NDUFAF6: variants seen among roughly 807,000 people sequenced by gnomAD.
The protein encoded by NDUFAF6 is NADH:ubiquinone oxidoreductase complex assembly factor 6.
Under a neutral mutation model 40.8 loss-of-function variants are expected in NDUFAF6, and 45 were observed. That is an observed-to-expected ratio of 1.10 (90% confidence interval 0.87 to 1.42). The LOEUF (loss-of-function observed/expected upper bound fraction) is 1.42. NDUFAF6 is among the 40% of genes most tolerant of loss of function. The pLI, the probability that NDUFAF6 is intolerant of heterozygous loss-of-function variation, is 0.00. For synonymous variants in NDUFAF6, 185 were observed against 155.9 expected, an observed-to-expected ratio of 1.19 and a Z score of -1.39; for missense variants, 435 against 418.5, an observed-to-expected ratio of 1.04 and a Z score of -0.34.
chr8:95,009,215 C>A (rs28616734), intron 2 of NDUFAF6, among the ~76,000 whole-genome samples: 3 of 149,434 alleles, frequency 2.0e-5, no homozygotes, highest in Non-Finnish European at 4.5e-5. Flanking sequence ...AAAAAAAAAA[C>A]GAAAAATAAA....
chr8:94,944,663 A>G (rs1821834826), intron 1 of NDUFAF6, among the ~76,000 whole-genome samples: 1 of 152,310 alleles, frequency 6.6e-6, no homozygotes, highest in Non-Finnish European at 1.5e-5. Context: ...TGGTGTTTAC[A>G]TGGCACATCT....
chr8:95,116,971 G>A (rs1168247624), downstream of NDUFAF6, among the ~76,000 whole-genome samples: 4 of 152,172 alleles, frequency 2.6e-5, no homozygotes, highest in Non-Finnish European at 5.9e-5. Context: ...CAAAGCAGAT[G>A]CCAACAGTCC....
intron 1 of NDUFAF6, among the ~76,000 whole-genome samples, chr8:95,027,862 A>G (rs1828358588): frequency 6.6e-6 from 1 of 152,168 alleles, no homozygotes; most frequent in Non-Finnish European, 1.5e-5. Context: ...AGCAGGAAAA[A>G]TAGCAGGCCA....
chr8:95,043,593 G>T (rs945334878), intron 4 of NDUFAF6, among the ~76,000 whole-genome samples: 1 of 152,046 alleles, frequency 6.6e-6, no homozygotes, highest in African/African-American at 2.4e-5. Context: ...CATTTCTCCA[G>T]ATAAGGTGTA....
At chr8:95,051,288 G>A (rs548007779) in intron 7 of NDUFAF6, among the ~76,000 whole-genome samples, 4 of 152,256 alleles carry the variant, frequency 2.6e-5, no homozygotes, top group African/African-American at 9.6e-5. Context: ...AATGTTCAGA[G>A]GAATAGAACT....
At chr8:95,074,215 AG>A (rs1437092848) in intron 9 of NDUFAF6, among the ~76,000 whole-genome samples, 1 of 151,810 alleles carries the variant, frequency 6.6e-6, no homozygotes, top group Non-Finnish European at 1.5e-5. Flanking sequence ...GGTTTTAAAA[AG>A]AAGGAGAAAA....
intron 2 of NDUFAF6, among the ~76,000 whole-genome samples, chr8:94,952,320 A>G (rs36081636): frequency 0.012 from 1,852 of 152,314 alleles, 24 homozygotes; most frequent in Middle Eastern, 0.02. Flanking sequence ...CTACCAACCC[A>G]TAGGATGGCT....
intron 2 of NDUFAF6, among the ~76,000 whole-genome samples, chr8:95,083,768 C>A (rs1484822348): frequency 3.3e-5 from 5 of 152,188 alleles, no homozygotes; most frequent in Non-Finnish European, 5.9e-5. Flanking sequence ...TTCTAAATAA[C>A]TGTAACAACC....
intron 9 of NDUFAF6, among the ~76,000 whole-genome samples, chr8:95,073,564 C>T (rs561928314): frequency 1.3e-5 from 2 of 152,302 alleles, no homozygotes; most frequent in South Asian, 2.1e-4. Context: ...TCCGCTTGCC[C>T]CTTAAACGTC....
At chr8:95,113,045 A>G (rs1215189711) in intron 4 of NDUFAF6, among the ~76,000 whole-genome samples, 2 of 152,140 alleles carry the variant, frequency 1.3e-5, no homozygotes, top group Admixed American at 1.3e-4. Flanking sequence ...TGCTGAGTAG[A>G]CGATCTCTTT....
downstream of NDUFAF6, among the ~76,000 whole-genome samples, chr8:95,079,021 C>A (rs1808731942): frequency 6.6e-6 from 1 of 152,010 alleles, no homozygotes; most frequent in Non-Finnish European, 1.5e-5. Context: ...ATCCACCAGG[C>A]TGGACTGCAG....
chr8:95,013,117 C>G (rs74928670), intron 2 of NDUFAF6, among the ~76,000 whole-genome samples: 6 of 146,986 alleles, frequency 4.1e-5, no homozygotes, highest in African/African-American at 1.5e-4. Context: ...TTTTTTTTTT[C>G]TAGAGACATG....
chr8:95,024,897 C>T, upstream of NDUFAF6: 1 of 951,670 alleles, frequency 1.1e-6, no homozygotes, highest in Non-Finnish European at 1.4e-6. Context: ...GAGCGGCGTC[C>T]AGAGGCTGCC....
At chr8:94,939,978 T>A (rs201012799) in intron 1 of NDUFAF6, 1 of 1,614,200 alleles carries the variant, frequency 6.2e-7, no homozygotes, top group South Asian at 1.1e-5. Context: ...AGGTTTTCCA[T>A]AGGACTTGTT....
intron 3 of NDUFAF6, among the ~76,000 whole-genome samples, chr8:95,035,782 A>G (rs1423571399): frequency 6.6e-6 from 1 of 152,238 alleles, no homozygotes; most frequent in African/African-American, 2.4e-5. Context: ...ATATTTGTTT[A>G]TTAAAGGAAA....
At chr8:94,959,765 C>T (rs1823408039) in intron 1 of NDUFAF6, among the ~76,000 whole-genome samples, 1 of 152,122 alleles carries the variant, frequency 6.6e-6, no homozygotes, top group Non-Finnish European at 1.5e-5. Context: ...GTCTCGAATT[C>T]CTGGGCTCAA....
At chr8:95,114,395 T>G (rs1024006524) in intron 4 of NDUFAF6, among the ~76,000 whole-genome samples, 4 of 152,306 alleles carry the variant, frequency 2.6e-5, no homozygotes, top group Admixed American at 1.3e-4. Flanking sequence ...GTGCTGTGAG[T>G]TCACCAGTAA....
intron 2 of NDUFAF6, among the ~76,000 whole-genome samples, chr8:95,018,290 G>A (rs2131690850): frequency 6.6e-6 from 1 of 151,918 alleles, no homozygotes; most frequent in East Asian, 1.9e-4. Flanking sequence ...TCCTGCCTTG[G>A]CCTCCCCAAG....
At chr8:95,046,762 G>A (rs555559130) in intron 5 of NDUFAF6, among the ~76,000 whole-genome samples, 2 of 152,324 alleles carry the variant, frequency 1.3e-5, no homozygotes, top group South Asian at 2.1e-4. Context: ...TTAGTGTGCT[G>A]TAGTCTGAGG....
Sources: gnomAD v4.1 joint callset for allele counts (sites outside exome capture counted in the v4.1 genomes callset) on GRCh38, gnomAD v4.1.1 for gene constraint, MANE v1.5 for transcripts, NCBI Gene and HGNC (gene_info 2026-07-23, HGNC 2026-07-21) for gene names.